AXDND1: variants seen among roughly 807,000 people sequenced by gnomAD.
AXDND1 encodes the protein axonemal dynein light chain domain-containing protein 1.
Under a neutral mutation model 137.5 loss-of-function variants are expected in AXDND1, and 110 were observed. That is an observed-to-expected ratio of 0.80 (90% CI 0.69 to 0.94). The LOEUF (loss-of-function observed/expected upper bound fraction) is 0.94, where lower values mean the gene tolerates loss of function less well. Ranked by LOEUF, AXDND1 falls within the 40% of genes least tolerant of loss-of-function variation. The pLI, the probability that AXDND1 is intolerant of heterozygous loss-of-function variation, is 0.00. For missense variants in AXDND1, 1,191 were observed against 1,169.8 expected (o/e 1.02, Z -0.26); for synonymous variants, 414 against 399.7 (o/e 1.04, Z -0.43).
rs556020681 is a variant in AXDND1, at chr1:179,391,443, G to A, written c.864-2460G>A. Among the ~76,000 whole-genome samples the A allele has an allele frequency of 3.3e-5, 5 of 152,180 alleles. No homozygotes were observed. The South Asian group carries it at 1.0e-3, about 32-fold the overall frequency. On this transcript the variant is annotated intron_variant, in intron 9 of 25. Coordinates refer to ENST00000367618, the MANE Select transcript of AXDND1 (RefSeq NM_144696.6). ...GAAGGGACCAGGTAGAGATGGTTGA[G>A]TCATGAGGGCCGTTTCCCTCATTCT... is the stretch of plus-strand genomic sequence containing the variant.
At chr1:179,485,661 C>T (rs1393933569) in intron 18 of AXDND1, among the ~76,000 whole-genome samples, 1 of 152,184 alleles carries the variant, frequency 6.6e-6, no homozygotes, top group Non-Finnish European at 1.5e-5. Flanking sequence ...AACGACCACA[C>T]TGTTCCCCAG....
intron 25 of AXDND1, chr1:179,552,017 T>C (rs1673355321): frequency 1.2e-5 from 2 of 168,668 alleles, no homozygotes; most frequent in African/African-American, 4.8e-5. Context: ...TCACCTGCTC[T>C]CTGTTCTTTC....
Position 179,397,097 on chromosome 1 carries a change from T to C in AXDND1, c.1109+1895T>C, listed in dbSNP as rs192721301. On this transcript the variant is annotated intron_variant, in intron 11 of 25. Transcript: ENST00000367618. ...ATAGTGTCACTGGTCTGTGTACTTA[T>C]GTGTTTTTTAATAGCAGCTGGTAAT... Among the ~76,000 whole-genome samples the C allele has an allele frequency of 5.5e-4, 84 of 152,366 alleles. No individual in the cohort carries two copies. The Middle Eastern group carries it at 0.01, about 19-fold the overall frequency.
chr1:179,408,364 T>C (rs1050907764), intron 11 of AXDND1, among the ~76,000 whole-genome samples: 8 of 152,178 alleles, frequency 5.3e-5, no homozygotes, highest in Non-Finnish European at 1.2e-4. Context: ...GTCATTTTTT[T>C]CCAATTTTAT....
chr1:179,418,545 C>T (rs1399751261), intron 12 of AXDND1, among the ~76,000 whole-genome samples: 1 of 152,144 alleles, frequency 6.6e-6, no homozygotes, highest in Non-Finnish European at 1.5e-5. Context: ...AGAGGGGCTC[C>T]CCACTTCCCA....
intron 11 of AXDND1, among the ~76,000 whole-genome samples, chr1:179,402,886 T>C (rs1230592363): frequency 6.6e-6 from 1 of 152,246 alleles, no homozygotes; most frequent in Non-Finnish European, 1.5e-5. Flanking sequence ...ATCTTCATAT[T>C]GCTAAATCCA....
At chr1:179,553,333 T>C (rs1270342632) in intron 25 of AXDND1, among the ~76,000 whole-genome samples, 3 of 152,208 alleles carry the variant, frequency 2.0e-5, no homozygotes, top group African/African-American at 7.2e-5. Flanking sequence ...TTATTCATAC[T>C]AGCCAAAAAG....
At chr1:179,480,386 T>G (rs1220163394) in intron 17 of AXDND1, among the ~76,000 whole-genome samples, 9 of 152,120 alleles carry the variant, frequency 5.9e-5, no homozygotes, top group Admixed American at 4.6e-4. Flanking sequence ...CAGATCTCAT[T>G]AGACTTATTC....
chr1:179,430,538 G>T lies in AXDND1; in HGVS notation c.1419G>T (p.Met473Ile), dbSNP rs1392388413. The T allele has an allele frequency of 6.2e-7, 1 of 1,613,840 alleles. No individual in the cohort carries two copies. The highest frequency in any genetic ancestry group is 1.1e-5 in the South Asian group (1 of 91,066). ...VNKLKQEVEQMEESTSETLKI... is the reference protein window; with the variant it reads ...VNKLKQEVEQIEESTSETLKI... The stretch of plus-strand genomic sequence containing the variant: ...AACTTAAACAAGAGGTAGAACAAAT[G>T]GAAGAGTCTACAAGCGAGACACTGA... Residue 473 changes from methionine (M) to isoleucine (I), a missense_variant, in exon 14 of 26, where the codon ATG (methionine) becomes ATT (isoleucine). By Grantham distance (10) the Met-to-Ile change is conservative. Coordinates refer to ENST00000367618, the MANE Select transcript of AXDND1 (RefSeq NM_144696.6).
chr1:179,446,658 C>T, intron 16 of AXDND1, among the ~76,000 whole-genome samples: 1 of 152,186 alleles, frequency 6.6e-6, no homozygotes, highest in East Asian at 1.9e-4. Flanking sequence ...AACACCCTTT[C>T]ACATACTCTA....
chr1:179,404,224 C>CTTT (rs71111990), intron 11 of AXDND1, among the ~76,000 whole-genome samples: 6 of 136,666 alleles, frequency 4.4e-5, no homozygotes, highest in Admixed American at 7.4e-5. Flanking sequence ...TTTTCTTTGT[C>CTTT]TTTTTTTTTT....
intron 11 of AXDND1, among the ~76,000 whole-genome samples, chr1:179,405,356 A>C (rs182148955): frequency 6.6e-6 from 1 of 152,126 alleles, no homozygotes; most frequent in African/African-American, 2.4e-5. Context: ...AATCTTTGCT[A>C]TTGTAAATAA....
At position 179,549,484 on chromosome 1, in the gene AXDND1, A is replaced by G. The variant is rs1195231580; in HGVS notation, c.3032-5028A>G. 1.3e-5 allele frequency among the ~76,000 whole-genome samples: 2 copies of G among 152,206 alleles called. 1 individual carries two copies. Among genetic ancestry groups the G allele is most frequent in the African/African-American group, 4.8e-5 (2 of 41,448 alleles). ...GAAACCAAACAATAGGAGATACCAT[A>G]GGCACTCCCCAGATATGCAAGCAAA... On this transcript the variant is annotated intron_variant, in intron 25 of 25. Transcript: ENST00000367618.
At position 179,525,460 on chromosome 1, in the gene AXDND1, G is replaced by T. The variant is rs201358795; in HGVS notation, c.2610+13G>T. 5.6e-5 allele frequency: 89 copies of T among 1,589,066 alleles called. No individual in the cohort carries two copies. The highest frequency in any genetic ancestry group is 1.7e-5 in the Admixed American group (1 of 57,364). On this transcript the variant is annotated intron_variant, in intron 22 of 25. Coordinates refer to ENST00000367618, the MANE Select transcript of AXDND1 (RefSeq NM_144696.6). Reference sequence around the variant, plus strand: ...GAGAGCAGAAGAAGTAAGATTATTTGGTATTTGTTTTTCCTCCTACATACA... The same window carrying T: ...GAGAGCAGAAGAAGTAAGATTATTTTGTATTTGTTTTTCCTCCTACATACA...
chr1:179,488,437 G>T (rs1666330805), intron 18 of AXDND1, among the ~76,000 whole-genome samples: 1 of 147,570 alleles, frequency 6.8e-6, no homozygotes, highest in South Asian at 2.1e-4. Context: ...TGTTTGTTTG[G>T]TTGGTTTTTA....
intron 12 of AXDND1, among the ~76,000 whole-genome samples, chr1:179,418,954 A>C (rs997125917): frequency 2.0e-5 from 3 of 150,880 alleles, no homozygotes; most frequent in Admixed American, 2.0e-4. Context: ...GCCGCCGGGC[A>C]GAGGCGCTCC....
intron 21 of AXDND1, among the ~76,000 whole-genome samples, chr1:179,515,751 A>G (rs956595849): frequency 6.6e-6 from 1 of 152,200 alleles, no homozygotes; most frequent in Non-Finnish European, 1.5e-5. Flanking sequence ...AATGTAAGTT[A>G]AAGTACAAAT....
chr1:179,398,109 A>G (rs1651351864), intron 11 of AXDND1, among the ~76,000 whole-genome samples: 1 of 151,864 alleles, frequency 6.6e-6, no homozygotes, highest in African/African-American at 2.4e-5. Flanking sequence ...TTTTTCTCAT[A>G]TTTGTGGGCT....
At chr1:179,368,706 TAGAAAC>T in intron 2 of AXDND1, 88 bp from the exon 3 acceptor site, 1 of 994,406 alleles carries the variant, frequency 1.0e-6, no homozygotes, top group Non-Finnish European at 1.5e-6. Context: ...TTCTCTCTGT[TAGAAAC>T]AGATGGGATT....
Sources: allele counts gnomAD v4.1 joint callset (sites outside exome capture counted in the v4.1 genomes callset), GRCh38; gene constraint gnomAD v4.1.1; transcripts MANE v1.5; gene names NCBI Gene and HGNC (gene_info 2026-07-23, HGNC 2026-07-21).